The following VAMP7 variants were observed in gnomAD, a reference collection of about 807,000 sequenced individuals.
VAMP7 encodes vesicle-associated membrane protein 7.
In VAMP7, 14 loss-of-function variants were observed where a neutral mutation model predicts 29.6. The ratio of observed to expected loss-of-function variants is 0.47; its 90% CI spans 0.31 to 0.74. The LOEUF is 0.74. Ranked by LOEUF, VAMP7 falls within the 30% of genes least tolerant of loss-of-function variation. The pLI, the probability that VAMP7 is intolerant of heterozygous loss-of-function variation, is 0.05. For synonymous variants in VAMP7, 95 were observed against 88.1 expected, an observed-to-expected ratio of 1.08 and a Z score of -0.44; for missense variants, 223 against 262.4, an observed-to-expected ratio of 0.85 and a Z score of 1.04.
At chrX:155,883,922 G>T (rs2065835418) in intron 1 of VAMP7, among the ~76,000 whole-genome samples, 1 of 151,176 alleles carries the variant, frequency 6.6e-6, no homozygotes, top group South Asian at 2.1e-4. Flanking sequence ...ACCATTTTTG[G>T]TCAGGCTGGT....
chrX:155,887,154 C>T (rs965679715), intron 1 of VAMP7, among the ~76,000 whole-genome samples: 1 of 152,178 alleles, frequency 6.6e-6, no homozygotes, highest in African/African-American at 2.4e-5. Context: ...ATTTGGTCCT[C>T]CTCAGTCTTT....
intron 5 of VAMP7, among the ~76,000 whole-genome samples, chrX:155,910,441 C>T (rs767803299): frequency 6.6e-6 from 1 of 152,244 alleles, no homozygotes; most frequent in South Asian, 2.1e-4. Flanking sequence ...CCCGTCTATA[C>T]ACTGATTTCT....
At chrX:155,897,037 T>C (rs986968760) in intron 3 of VAMP7, among the ~76,000 whole-genome samples, 1 of 152,042 alleles carries the variant, frequency 6.6e-6, no homozygotes, top group African/African-American at 2.4e-5. Flanking sequence ...TAACAAGATC[T>C]AGTCATAGGT....
At chrX:155,937,741 A>G in intron 6 of VAMP7, among the ~76,000 whole-genome samples, 2 of 152,246 alleles carry the variant, frequency 1.3e-5, no homozygotes, top group Middle Eastern at 6.8e-3. Context: ...TCCCTTGATT[A>G]TTGATCCTTC....
In VAMP7 at chrX:155,896,113, G is replaced by A. The variant is rs143816377; in HGVS notation, c.204+433G>A. Among the ~76,000 whole-genome samples the A allele has an allele frequency of 8.0e-4, 122 of 152,262 alleles. 2 individuals are homozygous for A. In the East Asian group the frequency reaches 0.023, roughly 29 times the overall value. On this transcript the variant is annotated intron_variant, in intron 3 of 7. Transcript: ENST00000286448. Reference sequence around the variant, plus strand: ...ATCTGTACCTATAGTGGGCAAACGTGATGCGAACTTTACATAGCTGGAATT... The same window carrying A: ...ATCTGTACCTATAGTGGGCAAACGTAATGCGAACTTTACATAGCTGGAATT...
intron 6 of VAMP7, among the ~76,000 whole-genome samples, chrX:155,932,738 A>G (rs943194303): frequency 6.6e-6 from 1 of 152,140 alleles, no homozygotes; most frequent in African/African-American, 2.4e-5. Flanking sequence ...AACTTCCAAC[A>G]CTATGTTGAA....
At chrX:155,907,096 C>A (rs1287987001) in intron 5 of VAMP7, among the ~76,000 whole-genome samples, 2 of 151,856 alleles carry the variant, frequency 1.3e-5, no homozygotes, top group African/African-American at 4.8e-5. Context: ...TGTATTATAA[C>A]AATTGATTTT....
At chrX:155,899,076 A>G (rs767072819) in intron 4 of VAMP7, among the ~76,000 whole-genome samples, 1 of 152,182 alleles carries the variant, frequency 6.6e-6, no homozygotes, top group Non-Finnish European at 1.5e-5. Context: ...GTTTTCAGCT[A>G]TCATGAATAA....
chrX:155,941,459 A>G (rs2066742576), intron 7 of VAMP7, among the ~76,000 whole-genome samples: 1 of 152,178 alleles, frequency 6.6e-6, no homozygotes, highest in South Asian at 2.1e-4. Context: ...CTTTTAAAAT[A>G]TATTCTTATA....
chrX:155,940,210 T>C (rs1402581792), intron 7 of VAMP7, among the ~76,000 whole-genome samples: 1 of 152,068 alleles, frequency 6.6e-6, no homozygotes, highest in Non-Finnish European at 1.5e-5. Context: ...AATTTTTGAG[T>C]GTGTAAAGAG....
At chrX:155,938,123 A>T (rs1039681029) in intron 6 of VAMP7, among the ~76,000 whole-genome samples, 2 of 152,124 alleles carry the variant, frequency 1.3e-5, no homozygotes, top group African/African-American at 4.8e-5. Context: ...CTTATTAGAA[A>T]TTTTTTTATT....
In VAMP7 at chrX:155,898,129, A is replaced by G; in HGVS notation, c.222A>G (p.Arg74=). Residue 74 remains arginine, a synonymous_variant, in exon 4 of 8, where the codon CGA becomes CGG. Coordinates refer to ENST00000286448, the MANE Select transcript of VAMP7 (RefSeq NM_005638.6). The part of the protein sequence containing the change: ...CITDDDFERS[R]AFNFLNEIKK... ...CTTTTCAGGATTTTGAACGTTCCCG[A>G]GCCTTTAATTTTCTGAATGAGATAA... is the stretch of plus-strand genomic sequence containing the variant. The G allele has an allele frequency of 6.2e-7, 1 of 1,613,394 alleles. No homozygotes were observed. The highest frequency in any genetic ancestry group is 2.2e-5 in the East Asian group (1 of 44,862).
At chrX:155,907,769 G>A (rs1450199147) in intron 5 of VAMP7, among the ~76,000 whole-genome samples, 8 of 152,224 alleles carry the variant, frequency 5.3e-5, no homozygotes, top group African/African-American at 9.6e-5. Context: ...ATCATGGCCC[G>A]TTCTCAATGA....
intron 6 of VAMP7, among the ~76,000 whole-genome samples, chrX:155,922,060 TTTGTA>T (rs760799267): frequency 8.1e-4 from 124 of 152,188 alleles, no homozygotes; most frequent in African/African-American, 2.9e-3. Flanking sequence ...ATATCATGCT[TTTGTA>T]TTGTGTAACA....
chrX:155,927,847 C>T (rs1244613047), intron 6 of VAMP7, among the ~76,000 whole-genome samples: 2 of 149,526 alleles, frequency 1.3e-5, no homozygotes, highest in Non-Finnish European at 3.0e-5. Flanking sequence ...AAGAGATTGT[C>T]ATTTCTCTTA....
chrX:155,921,614 GTTC>G (rs1304687180), intron 6 of VAMP7, among the ~76,000 whole-genome samples: 10 of 151,136 alleles, frequency 6.6e-5, no homozygotes, highest in Admixed American at 2.6e-4. Context: ...TTGTTTATCC[GTTC>G]TTCTCTGTGG....
chrX:155,908,672 C>T (rs2066188751), intron 5 of VAMP7, among the ~76,000 whole-genome samples: 1 of 152,014 alleles, frequency 6.6e-6, no homozygotes. Context: ...GAAGTGTTCC[C>T]CTTTTCTTCT....
intron 5 of VAMP7, among the ~76,000 whole-genome samples, chrX:155,905,369 GTTGTCTTTT>G (rs2066132975): frequency 6.6e-6 from 1 of 152,028 alleles, no homozygotes; most frequent in South Asian, 2.1e-4. Flanking sequence ...TATTCTGTGA[GTTGTCTTTT>G]CATTTTCTTG....
chrX:155,897,483 G>A (rs1032434873), intron 3 of VAMP7, among the ~76,000 whole-genome samples: 22 of 152,130 alleles, frequency 1.4e-4, no homozygotes, highest in African/African-American at 5.3e-4. Flanking sequence ...AATGAAATCT[G>A]GGATAGTTAG....
Sources: allele counts gnomAD v4.1 joint callset (sites outside exome capture counted in the v4.1 genomes callset), GRCh38; gene constraint gnomAD v4.1.1; transcripts MANE v1.5; gene names NCBI Gene and HGNC (gene_info 2026-07-23, HGNC 2026-07-21).